Variants in CSNK1A1 observed in about 807,000 individuals in gnomAD.
CSNK1A1 encodes the protein casein kinase 1 alpha 1, also known as casein kinase I isoform alpha.
CSNK1A1 carries 7 observed loss-of-function variants against 46.1 expected under a neutral mutation model. That is an observed-to-expected ratio of 0.15 (90% CI 0.09 to 0.29). The LOEUF (loss-of-function observed/expected upper bound fraction) is 0.29, where lower values mean the gene tolerates loss of function less well. Among genes scored for constraint, CSNK1A1 ranks in the 10% least tolerant of loss-of-function variants. The pLI, the probability that CSNK1A1 is intolerant of heterozygous loss-of-function variation, is 1.00. For synonymous variants in CSNK1A1, 137 were observed against 141.5 expected (o/e 0.97, Z 0.23); for missense variants, 96 against 417.1 (o/e 0.23, Z 6.71).
rs1169495686 is a variant in CSNK1A1 at position 149,542,825 on chromosome 5, A to G, written c.230+7250T>C. On this transcript the variant is annotated intron_variant, in intron 2 of 9. Transcript: ENST00000377843. ...ATTCTCCTGACTCAGCCTCCCAAGT[A>G]GCTGGGACTACAGGCACACACCACC... Among the ~76,000 whole-genome samples the G allele has an allele frequency of 4.7e-5, 7 of 147,578 alleles. No homozygotes were observed. The East Asian group carries it at 1.2e-3, about 25-fold the overall frequency.
At chr5:149,497,547 G>A (rs982190578) in intron 9 of CSNK1A1, 11 of 985,332 alleles carry the variant, frequency 1.1e-5, no homozygotes, top group Non-Finnish European at 1.3e-5. Flanking sequence ...CTCTACATAG[G>A]CCCTAGGCCA....
intron 2 of CSNK1A1, among the ~76,000 whole-genome samples, chr5:149,533,564 A>G (rs1761962167): frequency 6.6e-6 from 1 of 151,768 alleles, no homozygotes; most frequent in African/African-American, 2.4e-5. Flanking sequence ...CCTGGTTTAT[A>G]TTTGCATCTT....
chr5:149,497,038 T>C, intron 9 of CSNK1A1, 178 bp from the exon 10 acceptor site: 2 of 1,419,430 alleles, frequency 1.4e-6, no homozygotes, highest in Non-Finnish European at 1.8e-6. Flanking sequence ...AATCTATACT[T>C]AAAACTAATT....
chr5:149,509,804 G>T, intron 7 of CSNK1A1, 75 bp downstream of exon 7: 1 of 1,134,376 alleles, frequency 8.8e-7, no homozygotes, highest in Non-Finnish European at 1.3e-6. Flanking sequence ...GCCTCCCAAA[G>T]TGCTGGGATT....
Position 149,542,654 on chromosome 5 carries a change from A to ATGTG in CSNK1A1, c.230+7420_230+7421insCACA, listed in dbSNP as rs1176379816. On this transcript the variant is annotated intron_variant, in intron 2 of 9. Transcript: ENST00000377843. Reference sequence around the variant, plus strand: ...TATATATATATGTATATATATATATATATATATATATATATATGTATATAT... The same window carrying ATGTG: ...TATATATATATGTATATATATATATATGTGTATATATATATATATATGTATATAT... Among the ~76,000 whole-genome samples, 56 of 6,220 alleles carry ATGTG rather than the reference A, an allele frequency of 9.0e-3. 5 individuals are homozygous for ATGTG. The highest frequency in any genetic ancestry group is 0.053 in the African/African-American group (56 of 1,060). The allele number at this position is 6,220 out of a possible 152,430, so 4.1% of individuals were successfully genotyped here.
At chr5:149,548,602 TG>T (rs1762555063) in intron 2 of CSNK1A1, among the ~76,000 whole-genome samples, 1 of 151,924 alleles carries the variant, frequency 6.6e-6, no homozygotes, top group South Asian at 2.1e-4. Context: ...GGCTCATGCC[TG>T]TAATCCCAGC....
chr5:149,497,566 T>C, intron 9 of CSNK1A1: 3 of 985,408 alleles, frequency 3.0e-6, no homozygotes, highest in Non-Finnish European at 3.6e-6. Context: ...CAAGTTTGAA[T>C]ACAAGAAGCC....
Position 149,502,519 on chromosome 5 carries a change from T to TG in CSNK1A1, c.1006+2927_1006+2928insC, listed in dbSNP as rs1561751199. 36 of 28,802 alleles carry TG rather than the reference T, an allele frequency of 1.2e-3. 1 individual carries two copies. The highest frequency in any genetic ancestry group is 0.012 in the African/African-American group (31 of 2,510). 1.8% of individuals were successfully genotyped at this position (28,802 alleles called of 1,614,324 possible). ...CTACTGCGCCTGGCGCTTTTTTTTT[T>TG]TGGGGGGGGGGGGGTTGGGGACGAT... On this transcript the variant is annotated intron_variant, in intron 9 of 9. Transcript: ENST00000377843.
At chr5:149,544,735 CTTTATATA>C (rs199818973) in intron 2 of CSNK1A1, among the ~76,000 whole-genome samples, 1,450 of 21,688 alleles carry the variant, frequency 0.067, 117 homozygotes, top group African/African-American at 0.3. Flanking sequence ...GGGTAAAGAG[CTTTATATA>C]TATATATATA....
intron 5 of CSNK1A1, among the ~76,000 whole-genome samples, chr5:149,512,414 A>C (rs773896711): frequency 1.4e-4 from 22 of 152,264 alleles, no homozygotes; most frequent in South Asian, 8.3e-4. Flanking sequence ...ATATTTCTTA[A>C]GCCTGAAATT....
chr5:149,506,172 C>G (rs1463582998), intron 8 of CSNK1A1, among the ~76,000 whole-genome samples: 2 of 152,050 alleles, frequency 1.3e-5, no homozygotes, highest in Non-Finnish European at 2.9e-5. Context: ...GGTGATCCAC[C>G]CCCATCGGCC....
At position 149,511,682 on chromosome 5, in the gene CSNK1A1, A is replaced by G. The variant is rs528877447; in HGVS notation, c.675+112T>C. On this transcript the variant is annotated intron_variant, in intron 6 of 9. Transcript: ENST00000377843. Reference sequence around the variant, plus strand: ...AAAAGTAAATTAAGGTTAATTCTTTATATCTCAGAAAAATCTCAGACTTAG... The same window carrying G: ...AAAAGTAAATTAAGGTTAATTCTTTGTATCTCAGAAAAATCTCAGACTTAG... 4 of 737,474 alleles carry G rather than the reference A, an allele frequency of 5.4e-6. No homozygotes were observed. The African/African-American group carries it at 7.4e-5, about 14-fold the overall frequency. 45.7% of individuals were successfully genotyped at this position (737,474 alleles called of 1,614,324 possible). A position where few individuals can be genotyped will look rare whatever the true frequency, so the allele number is the denominator to read the frequency against.
intron 9 of CSNK1A1, chr5:149,505,123 C>A: frequency 9.8e-7 from 1 of 1,021,142 alleles, no homozygotes; most frequent in Non-Finnish European, 1.2e-6. Flanking sequence ...TATTATATTC[C>A]CAACACCAAA....
At chr5:149,515,226 G>C (rs928120026) in intron 4 of CSNK1A1, among the ~76,000 whole-genome samples, 1 of 152,172 alleles carries the variant, frequency 6.6e-6, no homozygotes, top group Non-Finnish European at 1.5e-5. Flanking sequence ...CATTTTCTAG[G>C]ATTGCTTCCT....
chr5:149,498,324 A>T (rs1448894999), intron 9 of CSNK1A1: 1 of 985,330 alleles, frequency 1.0e-6, no homozygotes, highest in African/African-American at 1.7e-5. Context: ...CCAAATGCCA[A>T]AAATGAAAGA....
At chr5:149,507,459 G>A (rs1040673242) in intron 7 of CSNK1A1, among the ~76,000 whole-genome samples, 3 of 151,248 alleles carry the variant, frequency 2.0e-5, no homozygotes, top group East Asian at 1.9e-4. Flanking sequence ...GCGCCTCTTC[G>A]TGAACTTTTT....
At chr5:149,534,934 C>A (rs538992366) in intron 2 of CSNK1A1, among the ~76,000 whole-genome samples, 1 of 149,632 alleles carries the variant, frequency 6.7e-6, no homozygotes. Context: ...AGCCCCTTAC[C>A]TACTAAAAAA....
chr5:149,495,583 C>T lies in CSNK1A1; in HGVS notation c.*1270G>A, dbSNP rs919187292. 1.3e-5 allele frequency: 2 copies of T among 152,030 alleles called. No homozygotes were observed. The highest frequency in any genetic ancestry group is 4.8e-5 in the African/African-American group (2 of 41,372). 9.4% of individuals were successfully genotyped at this position (152,030 alleles called of 1,614,324 possible). A position where few individuals can be genotyped will look rare whatever the true frequency, so the allele number is the denominator to read the frequency against. ...GCTCTCCAAGGGTGAAAGTCAACTG[C>T]TTATAGCCATTTCAAAAGTATTTTA... is the stretch of plus-strand genomic sequence containing the variant. On this transcript the variant is annotated 3_prime_UTR_variant, in exon 10 of 10. Transcript: ENST00000377843.
chr5:149,497,814 A>T, intron 9 of CSNK1A1: 2 of 985,378 alleles, frequency 2.0e-6, no homozygotes, highest in African/African-American at 1.7e-5. Context: ...TTCAATCATA[A>T]ACTGCTCCTT....
Sources: allele counts gnomAD v4.1 joint callset (sites outside exome capture counted in the v4.1 genomes callset), GRCh38; gene constraint gnomAD v4.1.1; transcripts MANE v1.5; gene names NCBI Gene and HGNC (gene_info 2026-07-23, HGNC 2026-07-21).